ATP10B: variants seen among roughly 807,000 people sequenced by gnomAD.
The protein encoded by ATP10B is phospholipid-transporting ATPase VB.
In ATP10B, 122 loss-of-function variants were observed where a neutral mutation model predicts 141.2. The observed-to-expected ratio is 0.86, with a 90% CI of 0.75 to 1.00. The LOEUF (loss-of-function observed/expected upper bound fraction) is 1.00, where lower values mean the gene tolerates loss of function less well. Among genes scored for constraint, ATP10B ranks in the 50% least tolerant of loss-of-function variants. ATP10B has a pLI of 0.00. For synonymous variants in ATP10B, 685 were observed against 692.0 expected (o/e 0.99, Z 0.16); for missense variants, 1,876 against 1,825.3 (o/e 1.03, Z -0.51).
intron 1 of ATP10B, among the ~76,000 whole-genome samples, chr5:160,826,001 T>C (rs767181632): frequency 6.6e-6 from 1 of 152,256 alleles, no homozygotes; most frequent in Non-Finnish European, 1.5e-5. Context: ...TTCTTCTTTA[T>C]GGCTGCATAG....
At position 160,591,224 on chromosome 5, in the gene ATP10B, A is replaced by G. The variant is rs1017985404; in HGVS notation, c.3565-85T>C. ...AGCAACTTTCTTGCATGTGGCTGCGACAGACAACCAGACGCATACAATGCC... is the reference window on the plus strand; with the variant it reads ...AGCAACTTTCTTGCATGTGGCTGCGGCAGACAACCAGACGCATACAATGCC... On this transcript the variant is annotated intron_variant, in intron 22 of 25. Transcript: ENST00000327245. 34 of 1,092,924 alleles carry G rather than the reference A, an allele frequency of 3.1e-5. No homozygotes were observed. In the African/African-American group the frequency reaches 5.0e-4, roughly 16 times the overall value. The allele number at this position is 1,092,924 out of a possible 1,614,324, so 67.7% of individuals were successfully genotyped here. A position where few individuals can be genotyped will look rare whatever the true frequency, so the allele number is the denominator to read the frequency against.
chr5:160,735,712 T>A (rs2127800183), intron 2 of ATP10B, among the ~76,000 whole-genome samples: 1 of 152,216 alleles, frequency 6.6e-6, no homozygotes, highest in East Asian at 1.9e-4. Flanking sequence ...CCTTAGCACA[T>A]GGATCATTCT....
chr5:160,912,678 G>GA, the ATP10B span, among the ~76,000 whole-genome samples: 1 of 148,278 alleles, frequency 6.7e-6, no homozygotes, highest in South Asian at 2.1e-4. Flanking sequence ...AAAGAGGAAA[G>GA]AAAAGGAGAA....
intron 2 of ATP10B, among the ~76,000 whole-genome samples, chr5:160,768,025 C>T (rs530264161): frequency 3.3e-4 from 50 of 152,172 alleles, no homozygotes; most frequent in African/African-American, 1.1e-3. Context: ...TTCCTCTACC[C>T]TACCTGATGC....
chr5:160,860,648 G>A, the ATP10B span, among the ~76,000 whole-genome samples: 1 of 151,968 alleles, frequency 6.6e-6, no homozygotes, highest in Non-Finnish European at 1.5e-5. Flanking sequence ...GGTTGCCTTA[G>A]TGGATAACTT....
At chr5:160,603,548 CT>C (rs1216616799) in intron 20 of ATP10B, 4 of 190,350 alleles carry the variant, frequency 2.1e-5, no homozygotes, top group African/African-American at 9.2e-5. Context: ...TTGGATACCC[CT>C]GGTCTAACAG....
chr5:160,866,107 T>C, the ATP10B span, among the ~76,000 whole-genome samples: 3 of 151,648 alleles, frequency 2.0e-5, no homozygotes, highest in Admixed American at 6.6e-5. Context: ...AAATGACATA[T>C]GCACATGTAT....
Position 160,726,242 on chromosome 5 carries a change from C to T in ATP10B, c.-330-9208G>A, listed in dbSNP as rs184188964. Among the ~76,000 whole-genome samples, 9 of 152,270 alleles carry T rather than the reference C, an allele frequency of 5.9e-5. No homozygotes were observed. In the East Asian group the frequency reaches 9.6e-4, roughly 16 times the overall value. ...TGTTTGCTCACACCAGGGATAAGTG[C>T]GGGGTTTTTCTTAGGAAAGTTGCCT... On this transcript the variant is annotated intron_variant, in intron 2 of 25. Coordinates refer to ENST00000327245, the MANE Select transcript of ATP10B (RefSeq NM_025153.3).
intron 14 of ATP10B, among the ~76,000 whole-genome samples, chr5:160,621,613 G>T (rs574369003): frequency 6.6e-6 from 1 of 152,310 alleles, no homozygotes; most frequent in South Asian, 2.1e-4. Context: ...TGATTTTCAG[G>T]GTGGTTTGGA....
intron 18 of ATP10B, among the ~76,000 whole-genome samples, chr5:160,610,864 T>G (rs1049576988): frequency 6.6e-6 from 1 of 152,196 alleles, no homozygotes; most frequent in Non-Finnish European, 1.5e-5. Context: ...TCTCTCATCT[T>G]CCGGATGAGA....
the ATP10B span, among the ~76,000 whole-genome samples, chr5:160,865,950 T>C: frequency 6.6e-6 from 1 of 152,126 alleles, no homozygotes; most frequent in East Asian, 1.9e-4. Context: ...AGGGAACACT[T>C]TTACACCGAT....
intron 15 of ATP10B, 115 bp downstream of exon 15, chr5:160,620,232 G>A (rs1354100336): frequency 1.5e-6 from 2 of 1,367,256 alleles, no homozygotes; most frequent in Admixed American, 2.3e-5. Flanking sequence ...CTGTATTCCA[G>A]TTGGGACCTG....
intron 12 of ATP10B, 158 bp downstream of exon 12, chr5:160,634,196 C>T: frequency 1.0e-6 from 1 of 994,054 alleles, no homozygotes; most frequent in African/African-American, 1.6e-5. Context: ...CAGCCCTGAT[C>T]TGTGACAAGG....
chr5:160,731,631 G>A (rs1247806296), intron 2 of ATP10B, among the ~76,000 whole-genome samples: 1 of 152,144 alleles, frequency 6.6e-6, no homozygotes, highest in Non-Finnish European at 1.5e-5. Flanking sequence ...TTGGTTAAGA[G>A]TACGAGTACT....
At chr5:160,910,477 T>C in the ATP10B span, among the ~76,000 whole-genome samples, 1 of 152,162 alleles carries the variant, frequency 6.6e-6, no homozygotes, top group Non-Finnish European at 1.5e-5. Context: ...TGGCCCGTAG[T>C]ATGTGCTCAG....
chr5:160,725,506 T>C (rs7727966), intron 2 of ATP10B, among the ~76,000 whole-genome samples: 131,565 of 151,868 alleles, frequency 0.87, 57,148 homozygotes, highest in East Asian at 0.9. Flanking sequence ...AGTGCAGTGG[T>C]GCGATCTCGG....
intron 3 of ATP10B, among the ~76,000 whole-genome samples, chr5:160,697,043 A>T (rs1421953): frequency 3.9e-5 from 6 of 152,232 alleles, no homozygotes; most frequent in Non-Finnish European, 8.8e-5. Flanking sequence ...AGTAAAAGCT[A>T]TATTTATTAG....
chr5:160,726,198 C>G (rs149537477), intron 2 of ATP10B, among the ~76,000 whole-genome samples: 1 of 152,100 alleles, frequency 6.6e-6, no homozygotes. Context: ...TAGACCTTTT[C>G]TCTGCATGGT....
chr5:160,884,630 G>A, the ATP10B span, among the ~76,000 whole-genome samples: 1 of 151,886 alleles, frequency 6.6e-6, no homozygotes, highest in Non-Finnish European at 1.5e-5. Context: ...AGAGTGAAAT[G>A]TTATTTATAT....
Sources: allele counts gnomAD v4.1 joint callset (sites outside exome capture counted in the v4.1 genomes callset), GRCh38; gene constraint gnomAD v4.1.1; transcripts MANE v1.5; gene names NCBI Gene and HGNC (gene_info 2026-07-23, HGNC 2026-07-21).